Variants in BBX observed in about 807,000 individuals in gnomAD.
BBX encodes the protein HMG box transcription factor BBX.
BBX carries 30 observed loss-of-function variants against 100.2 expected under a neutral mutation model. That is an observed-to-expected ratio of 0.30 (90% CI 0.22 to 0.41). The LOEUF (loss-of-function observed/expected upper bound fraction) is 0.41. Ranked by LOEUF, BBX falls within the 10% of genes least tolerant of loss-of-function variation. The probability of loss-of-function intolerance (pLI) is 1.00; values close to 1 mark genes in which losing one functional copy is unlikely to be tolerated. For missense variants in BBX, 1,023 were observed against 1,129.8 expected, an observed-to-expected ratio of 0.91 and a Z score of 1.35; for synonymous variants, 376 against 388.1, an observed-to-expected ratio of 0.97 and a Z score of 0.37.
chr3:107,588,937 A>G (rs1047637099), intron 2 of BBX, among the ~76,000 whole-genome samples: 2 of 152,192 alleles, frequency 1.3e-5, no homozygotes, highest in Non-Finnish European at 2.9e-5. Context: ...TGAATATAAG[A>G]AATTAAATCT....
chr3:107,776,538 T>A (rs112417650), intron 12 of BBX, among the ~76,000 whole-genome samples: 2,729 of 152,260 alleles, frequency 0.018, 77 homozygotes, highest in African/African-American at 0.062. Flanking sequence ...CACGCCAGTA[T>A]AATACTTAAG....
At chr3:107,716,378 T>C (rs1190279562) in intron 4 of BBX, 3 of 531,912 alleles carry the variant, frequency 5.6e-6, no homozygotes, top group Admixed American at 3.2e-5. Context: ...ATATATGCTG[T>C]AATAGAGACA....
intron 3 of BBX, chr3:107,674,773 A>G (rs903197761): frequency 6.6e-6 from 1 of 152,644 alleles, no homozygotes; most frequent in African/African-American, 2.4e-5. Flanking sequence ...ATTTGGTCCT[A>G]TCACTACACT....
intron 2 of BBX, among the ~76,000 whole-genome samples, chr3:107,600,801 C>T (rs2107619144): frequency 6.6e-6 from 1 of 152,260 alleles, no homozygotes; most frequent in East Asian, 1.9e-4. Flanking sequence ...CTAATACAGG[C>T]CTCTGAGGAG....
At chr3:107,644,800 T>C (rs2057418846) in intron 2 of BBX, among the ~76,000 whole-genome samples, 1 of 152,178 alleles carries the variant, frequency 6.6e-6, no homozygotes, top group Non-Finnish European at 1.5e-5. Context: ...ATTCATTCTT[T>C]CCAGCTTTTG....
intron 11 of BBX, 50 bp from the exon 12 acceptor site, chr3:107,774,662 TCATCTCC>T: frequency 6.4e-7 from 1 of 1,565,108 alleles, no homozygotes; most frequent in East Asian, 2.3e-5. Flanking sequence ...GCAACTAACA[TCATCTCC>T]CCTCGCCCAC....
At chr3:107,639,396 T>A (rs569889111) in intron 2 of BBX, among the ~76,000 whole-genome samples, 15 of 152,242 alleles carry the variant, frequency 9.9e-5, no homozygotes, top group African/African-American at 3.6e-4. Flanking sequence ...CTGAGGGGTA[T>A]CCCATGGGGC....
intron 2 of BBX, among the ~76,000 whole-genome samples, chr3:107,613,835 AT>A (rs1254956311): frequency 7.0e-6 from 1 of 143,026 alleles, no homozygotes; most frequent in African/African-American, 2.6e-5. Flanking sequence ...TCATTTTCCT[AT>A]TTTTTCCCTT....
intron 1 of BBX, chr3:107,525,315 C>CGGGAGGAGGAGGAGGAGA (rs1318715946): frequency 6.6e-6 from 1 of 151,362 alleles, no homozygotes; most frequent in African/African-American, 2.4e-5. Flanking sequence ...CCGGGGCCCG[C>CGGGAGGAGGAGGAGGAGA]GGGAGGAGGA....
At chr3:107,697,928 G>A (rs1418909037) in intron 3 of BBX, among the ~76,000 whole-genome samples, 1 of 151,972 alleles carries the variant, frequency 6.6e-6, no homozygotes, top group African/African-American at 2.4e-5. Context: ...CGTCAGAAAA[G>A]CGCAGTATTC....
At chr3:107,548,510 T>C (rs1387337251) in intron 2 of BBX, among the ~76,000 whole-genome samples, 1 of 152,170 alleles carries the variant, frequency 6.6e-6, no homozygotes, top group Non-Finnish European at 1.5e-5. Context: ...ATCTTAATAA[T>C]GGTTAGTAGT....
At chr3:107,625,705 CT>C (rs1403188934) in intron 2 of BBX, among the ~76,000 whole-genome samples, 1 of 152,046 alleles carries the variant, frequency 6.6e-6, no homozygotes, top group Non-Finnish European at 1.5e-5. Context: ...TTGTTCTGGC[CT>C]TTTGGACATA....
chr3:107,805,422 C>T lies in BBX; in HGVS notation c.2791C>T (p.Gln931Ter). The T allele has an allele frequency of 6.2e-7, 1 of 1,614,130 alleles. No individual in the cohort carries two copies. The highest frequency in any genetic ancestry group is 8.5e-7 in the Non-Finnish European group (1 of 1,179,988). Reference sequence around the variant, plus strand: ...TGATGGACAGCCAAAAGAAATGCCGCAGGCTCCTGTACTTATTTCCTGCGC... The same window carrying T: ...TGATGGACAGCCAAAAGAAATGCCGTAGGCTCCTGTACTTATTTCCTGCGC... ...THDGQPKEMP[Q>*]APVLISCADQ The change falls in exon 18 of 18, where the codon CAG (glutamine) becomes TAG (stop). Residue 931 changes from glutamine to a stop codon, truncating the protein, a stop_gained. Coordinates refer to ENST00000325805, the MANE Select transcript of BBX (RefSeq NM_001142568.3). LOFTEE classifies it high-confidence loss of function.
chr3:107,547,108 A>G (rs543317925), intron 2 of BBX, among the ~76,000 whole-genome samples: 3 of 152,306 alleles, frequency 2.0e-5, no homozygotes, highest in Admixed American at 2.0e-4. Context: ...AGGTAGTATA[A>G]GAGAAGTATT....
chr3:107,552,347 T>TAAA (rs76443530), intron 2 of BBX, among the ~76,000 whole-genome samples: 18 of 45,962 alleles, frequency 3.9e-4, no homozygotes, highest in Non-Finnish European at 5.9e-4. Flanking sequence ...CCTGTTTCAT[T>TAAA]AAAAAAAAAA....
intron 14 of BBX, among the ~76,000 whole-genome samples, chr3:107,790,517 C>T (rs939392552): frequency 6.6e-6 from 1 of 152,150 alleles, no homozygotes; most frequent in Non-Finnish European, 1.5e-5. Flanking sequence ...CTTGATGGGC[C>T]TTTAAACCTC....
At chr3:107,791,350 A>ATAAG (rs77551243) in intron 15 of BBX, 51 bp downstream of exon 15, 182,658 of 1,472,118 alleles carry the variant, frequency 0.12, 13,253 homozygotes, top group Non-Finnish European at 0.15. Flanking sequence ...TGGAAATGAC[A>ATAAG]TAAGTTGTAT....
At chr3:107,619,360 C>G (rs2055559813) in intron 2 of BBX, among the ~76,000 whole-genome samples, 1 of 151,880 alleles carries the variant, frequency 6.6e-6, no homozygotes, top group South Asian at 2.1e-4. Flanking sequence ...TGCATAACCC[C>G]ATAACCCCTT....
chr3:107,768,305 C>G (rs1485642494), intron 10 of BBX, among the ~76,000 whole-genome samples: 1 of 152,186 alleles, frequency 6.6e-6, no homozygotes, highest in Non-Finnish European at 1.5e-5. Flanking sequence ...TGTTGGCATG[C>G]TGTATCCAGA....
Sources: allele counts gnomAD v4.1 joint callset (sites outside exome capture counted in the v4.1 genomes callset), GRCh38; gene constraint gnomAD v4.1.1; transcripts MANE v1.5; gene names NCBI Gene and HGNC (gene_info 2026-07-23, HGNC 2026-07-21).